Variants in AKAP13 observed in about 807,000 individuals in gnomAD.
AKAP13 encodes A-kinase anchor protein 13.
Under a neutral mutation model 264.5 loss-of-function variants are expected in AKAP13, and 80 were observed. The ratio of observed to expected loss-of-function variants is 0.30; its 90% CI spans 0.25 to 0.36. The LOEUF (loss-of-function observed/expected upper bound fraction) is 0.36. Among genes scored for constraint, AKAP13 ranks in the 10% least tolerant of loss-of-function variants. AKAP13 has a pLI of 1.00. For synonymous variants in AKAP13, 1,380 were observed against 1,250.2 expected (o/e 1.10, Z -2.19); for missense variants, 3,712 against 3,435.2 (o/e 1.08, Z -2.01).
intron 11 of AKAP13, among the ~76,000 whole-genome samples, chr15:85,656,764 C>T (rs1474938707): frequency 6.6e-6 from 1 of 152,152 alleles, no homozygotes; most frequent in African/African-American, 2.4e-5. Context: ...TGACTTCTGA[C>T]TGCTGGCTGG....
At chr15:85,398,722 A>G (rs1358103803) in intron 1 of AKAP13, among the ~76,000 whole-genome samples, 2 of 152,032 alleles carry the variant, frequency 1.3e-5, no homozygotes, top group African/African-American at 4.8e-5. Context: ...CGCCCGGCTA[A>G]TTTTTGGATT....
At chr15:85,503,848 A>C (rs548112761) in intron 2 of AKAP13, among the ~76,000 whole-genome samples, 1 of 152,298 alleles carries the variant, frequency 6.6e-6, no homozygotes, top group East Asian at 1.9e-4. Flanking sequence ...AGCCTTGAAC[A>C]TGTGTTCATG....
chr15:85,692,726 A>G (rs1421673483), intron 16 of AKAP13, among the ~76,000 whole-genome samples: 2 of 152,188 alleles, frequency 1.3e-5, no homozygotes. Flanking sequence ...CATATTTAAT[A>G]TTTCTAACTA....
chr15:85,476,213 G>A (rs2075158691), intron 1 of AKAP13, among the ~76,000 whole-genome samples: 1 of 152,098 alleles, frequency 6.6e-6, no homozygotes, highest in African/African-American at 2.4e-5. Context: ...AGAAAAGAGT[G>A]CTCAGTAAGG....
Position 85,581,735 on chromosome 15 carries a change from A to G in AKAP13, c.3667A>G (p.Arg1223Gly). The change falls in exon 7 of 37, where the codon AGG becomes GGG. Residue 1223 changes from arginine to glycine, a missense_variant. By Grantham distance (125) the Arg-to-Gly change is moderately radical (BLOSUM62 -2). This residue lies in a region of AKAP13 where 2,759 missense variants were observed against 2,411.7 expected (regional missense o/e 1.14). Coordinates refer to ENST00000394518, the MANE Select transcript of AKAP13 (RefSeq NM_007200.5). ...REVMRAPPSG[R>G]ERSTPSLPCM... ...AGTCATGCGAGCCCCGCCTTCAGGCAGGGAAAGGAGCACTCCCTCTCTACC... is the reference window on the plus strand; with the variant it reads ...AGTCATGCGAGCCCCGCCTTCAGGCGGGGAAAGGAGCACTCCCTCTCTACC... The G allele has an allele frequency of 6.2e-7, 1 of 1,614,194 alleles. No individual in the cohort carries two copies. The highest frequency in any genetic ancestry group is 2.2e-5 in the East Asian group (1 of 44,878).
chr15:85,643,076 G>A (rs1476351969), intron 9 of AKAP13, among the ~76,000 whole-genome samples: 1 of 150,888 alleles, frequency 6.6e-6, no homozygotes, highest in East Asian at 1.9e-4. Context: ...AGGCAGGGCT[G>A]TTCCCATTGA....
At chr15:85,463,464 T>C (rs1004647029) in intron 1 of AKAP13, among the ~76,000 whole-genome samples, 32 of 151,808 alleles carry the variant, frequency 2.1e-4, no homozygotes, top group African/African-American at 7.7e-4. Flanking sequence ...TTCTGGGTCT[T>C]ACAGATCCAC....
intron 14 of AKAP13, among the ~76,000 whole-genome samples, chr15:85,678,101 A>T (rs2084355886): frequency 6.6e-6 from 1 of 152,212 alleles, no homozygotes; most frequent in African/African-American, 2.4e-5. Context: ...GTAAACTTGG[A>T]AAAGAAAGAA....
In AKAP13 at chr15:85,493,791, C is replaced by T. The variant is rs140457274; in HGVS notation, c.33+8038C>T. On this transcript the variant is annotated intron_variant, in intron 2 of 36. Transcript: ENST00000394518. ...ATACAAAGCATAGTCTTGTCCTAGA[C>T]GGGGTAAGGGACGAGGGATGCTGTC... Among the ~76,000 whole-genome samples, 1,166 of 152,066 alleles carry T rather than the reference C, an allele frequency of 7.7e-3. 8 individuals carry two copies. Among genetic ancestry groups the T allele is most frequent in the African/African-American group, 0.011 (451 of 41,454 alleles).
At chr15:85,523,993 C>T (rs1320797136) in intron 3 of AKAP13, among the ~76,000 whole-genome samples, 3 of 152,154 alleles carry the variant, frequency 2.0e-5, no homozygotes, top group Non-Finnish European at 4.4e-5. Flanking sequence ...GTCCAGTCTT[C>T]GTGGAAAGTC....
At chr15:85,740,931 G>A in intron 34 of AKAP13, 115 bp from the exon 35 acceptor site, 1 of 1,468,474 alleles carries the variant, frequency 6.8e-7, no homozygotes, top group Non-Finnish European at 9.1e-7. Flanking sequence ...AAAATGAGGG[G>A]AGAGTTCTAG....
intron 2 of AKAP13, among the ~76,000 whole-genome samples, 192 bp downstream of exon 2, chr15:85,485,945 A>G (rs1377744329): frequency 1.3e-5 from 2 of 152,260 alleles, no homozygotes; most frequent in Non-Finnish European, 2.9e-5. Context: ...GTGCATGGAA[A>G]TGAAAACAAA....
intron 19 of AKAP13, among the ~76,000 whole-genome samples, chr15:85,714,990 T>C (rs1488033822): frequency 6.6e-6 from 1 of 152,038 alleles, no homozygotes; most frequent in Non-Finnish European, 1.5e-5. Flanking sequence ...ATTCTTTCAA[T>C]CTTATTTGCA....
intron 2 of AKAP13, among the ~76,000 whole-genome samples, chr15:85,510,191 C>G (rs1279586652): frequency 6.6e-6 from 1 of 152,150 alleles, no homozygotes; most frequent in Non-Finnish European, 1.5e-5. Flanking sequence ...AGTCTCTGGC[C>G]CAGCTTCACT....
chr15:85,481,386 C>T (rs1177266338), intron 1 of AKAP13, among the ~76,000 whole-genome samples: 3 of 152,134 alleles, frequency 2.0e-5, no homozygotes, highest in African/African-American at 7.2e-5. Flanking sequence ...TTTTGCTTCT[C>T]TAATCAACAA....
chr15:85,544,522 C>T (rs563240839), intron 5 of AKAP13, among the ~76,000 whole-genome samples: 5 of 152,296 alleles, frequency 3.3e-5, no homozygotes, highest in African/African-American at 1.2e-4. Flanking sequence ...TGGAAATGTG[C>T]AGTAGGAAAT....
chr15:85,425,695 G>A (rs1163560680), intron 1 of AKAP13, among the ~76,000 whole-genome samples: 6 of 141,644 alleles, frequency 4.2e-5, no homozygotes, highest in Admixed American at 1.5e-4. Context: ...CAGCCTGGGC[G>A]ACAGAGTGAG....
At chr15:85,661,151 C>T (rs1045087155) in intron 12 of AKAP13, among the ~76,000 whole-genome samples, 1 of 152,190 alleles carries the variant, frequency 6.6e-6, no homozygotes, top group Middle Eastern at 3.4e-3. Flanking sequence ...TTAATGATAG[C>T]TTTTGTTAAT....
chr15:85,729,664 C>T (rs556884500), intron 29 of AKAP13, among the ~76,000 whole-genome samples: 38 of 151,844 alleles, frequency 2.5e-4, no homozygotes, highest in Non-Finnish European at 3.4e-4. Flanking sequence ...AGGCCAGGTG[C>T]GGTGGCTCAC....
Sources: gnomAD v4.1 joint callset for allele counts (sites outside exome capture counted in the v4.1 genomes callset) on GRCh38, gnomAD v4.1.1 for gene constraint, gnomAD v4.1.1 regional missense constraint, MANE v1.5 for transcripts, NCBI Gene and HGNC (gene_info 2026-07-23, HGNC 2026-07-21) for gene names.